The following CHD1 variants were observed in gnomAD, a reference collection of about 807,000 sequenced individuals.
CHD1 encodes the protein chromodomain helicase DNA binding protein 1.
CHD1 carries 36 observed loss-of-function variants against 224.2 expected under a neutral mutation model. The ratio of observed to expected loss-of-function variants is 0.16; its 90% CI spans 0.12 to 0.21. CHD1 has a LOEUF of 0.21. Among genes scored for constraint, CHD1 ranks in the 10% least tolerant of loss-of-function variants. The pLI is 1.00. For synonymous variants in CHD1, 668 were observed against 658.3 expected, an observed-to-expected ratio of 1.01 and a Z score of -0.23; for missense variants, 1,378 against 1,994.8, an observed-to-expected ratio of 0.69 and a Z score of 5.89.
Position 98,859,013 on chromosome 5 carries a change from T to C in CHD1, c.4527A>G (p.Gln1509=). Residue 1509 remains glutamine (Q), a splice_region_variant and synonymous_variant, in exon 34 of 36, where the codon CAA becomes CAG. Transcript: ENST00000614616. ...TCAAGTTGCTGTTTTGATCACTGTTTTGCTAAAATAAATGCACACGTGTTA... is the reference window on the plus strand; with the variant it reads ...TCAAGTTGCTGTTTTGATCACTGTTCTGCTAAAATAAATGCACACGTGTTA... The part of the protein sequence containing the change: ...HAIKKRQESQ[Q]NSDQNSNLNP... 6.3e-7 allele frequency: 1 copy of C among 1,579,962 alleles called. No homozygotes were observed. Among genetic ancestry groups the C allele is most frequent in the Non-Finnish European group, 8.6e-7 (1 of 1,168,720 alleles).
At chr5:98,916,545 CAAA>C (rs33988135) in intron 2 of CHD1, among the ~76,000 whole-genome samples, 36 of 40,420 alleles carry the variant, frequency 8.9e-4, no homozygotes, top group East Asian at 3.7e-3. Flanking sequence ...AACTCCGTCT[CAAA>C]AAAAAAAAAA....
chr5:98,857,706 C>T (rs1748143534), intron 35 of CHD1, among the ~76,000 whole-genome samples: 1 of 151,974 alleles, frequency 6.6e-6, no homozygotes, highest in African/African-American at 2.4e-5. Flanking sequence ...AACAAAAAAC[C>T]TTCCTGGTTC....
At chr5:98,904,207 T>C (rs956116692) in intron 3 of CHD1, among the ~76,000 whole-genome samples, 15 of 152,156 alleles carry the variant, frequency 9.9e-5, no homozygotes, top group African/African-American at 3.6e-4. Context: ...ATTTTATCAG[T>C]GTGAGGTGAA....
chr5:98,928,435 G>A, intron 1 of CHD1, 104 bp downstream of exon 1: 1 of 154,046 alleles, frequency 6.5e-6, no homozygotes. Flanking sequence ...GCCTTCACCC[G>A]GCCGCTGGGC....
rs1748173557 is a variant in CHD1, at chr5:98,858,057, T to C, written c.4787+123A>G. The C allele has an allele frequency of 4.3e-6, 3 of 702,166 alleles. No homozygotes were observed. In the Admixed American group the frequency reaches 7.2e-5, roughly 17 times the overall value. The allele number at this position is 702,166 out of a possible 1,614,324, so 43.5% of individuals were successfully genotyped here. On this transcript the variant is annotated intron_variant, in intron 35 of 35. Transcript: ENST00000614616. ...TTTTCTTAATTATATACAACACCTT[T>C]ATTTCACAAGATTTGTTTTGACTGC...
intron 2 of CHD1, among the ~76,000 whole-genome samples, chr5:98,906,386 T>G (rs1401313147): frequency 6.6e-6 from 1 of 152,208 alleles, no homozygotes; most frequent in Non-Finnish European, 1.5e-5. Context: ...TAAGGCCATA[T>G]TTTACTTGCA....
rs1179965215 is a variant in CHD1, at chr5:98,928,969, G to A, written c.-579C>T. Reference sequence around the variant, plus strand: ...CGCCTCCGCCTCCCGCGCGACGTAAGCGCCTCTGCTCACTCCCCTTCCCGA... The same window carrying A: ...CGCCTCCGCCTCCCGCGCGACGTAAACGCCTCTGCTCACTCCCCTTCCCGA... On this transcript the variant is annotated 5_prime_UTR_variant, in exon 1 of 36. Transcript: ENST00000614616. The A allele has an allele frequency of 6.5e-6, 1 of 153,642 alleles. No individual in the cohort carries two copies. Among genetic ancestry groups the A allele is most frequent in the Non-Finnish European group, 1.5e-5 (1 of 68,766 alleles). 9.5% of individuals were successfully genotyped at this position (153,642 alleles called of 1,614,324 possible).
At chr5:98,913,933 TA>T (rs552119025) in intron 2 of CHD1, among the ~76,000 whole-genome samples, 2 of 151,792 alleles carry the variant, frequency 1.3e-5, no homozygotes, top group African/African-American at 4.8e-5. Context: ...GTTTTTTTTT[TA>T]AAAAATTCCT....
chr5:98,907,455 G>A (rs1281087434), intron 2 of CHD1, among the ~76,000 whole-genome samples: 1 of 152,016 alleles, frequency 6.6e-6, no homozygotes, highest in Non-Finnish European at 1.5e-5. Flanking sequence ...GGGCATGGTG[G>A]CGCATGCCTG....
chr5:98,872,223 AATG>A (rs1561491258), intron 27 of CHD1, 22 bp from the exon 28 acceptor site: 12 of 1,591,872 alleles, frequency 7.5e-6, no homozygotes, highest in African/African-American at 1.4e-5. Flanking sequence ...GTTAATAACT[AATG>A]ATAAGTTTGT....
At chr5:98,862,301 G>A (rs1748540175) in intron 32 of CHD1, among the ~76,000 whole-genome samples, 1 of 152,106 alleles carries the variant, frequency 6.6e-6, no homozygotes, top group South Asian at 2.1e-4. Flanking sequence ...TGAACAATAA[G>A]GAATATGAAA....
chr5:98,900,354 G>A (rs963363135), intron 7 of CHD1, among the ~76,000 whole-genome samples: 3 of 150,730 alleles, frequency 2.0e-5, no homozygotes, highest in Admixed American at 1.3e-4. Context: ...AAGCAAAGTA[G>A]CTTTTATAAA....
At chr5:98,869,555 G>C in intron 30 of CHD1, 199 bp downstream of exon 30, 2 of 587,272 alleles carry the variant, frequency 3.4e-6, no homozygotes, top group Non-Finnish European at 5.8e-6. Context: ...AATATCTACT[G>C]GACAGTTAGA....
chr5:98,866,439 C>T (rs1748873800), intron 31 of CHD1, among the ~76,000 whole-genome samples: 1 of 152,114 alleles, frequency 6.6e-6, no homozygotes, highest in Admixed American at 6.5e-5. Flanking sequence ...TTCATTAAAT[C>T]AACACTGTCT....
Position 98,883,841 on chromosome 5 carries a change from ATATATATATATATATATATATTTT to A in CHD1, c.2569-628_2569-605del, listed in dbSNP as rs1184691560. 2.6e-3 allele frequency: 127 copies of A among 48,586 alleles called. 5 individuals carry two copies. In the South Asian group the frequency reaches 0.092, roughly 35 times the overall value. The allele number at this position is 48,586 out of a possible 1,614,324, so 3.0% of individuals were successfully genotyped here. On this transcript the variant is annotated intron_variant, in intron 18 of 35. Transcript: ENST00000614616. Reference sequence around the variant, plus strand: ...TTGGAGACTAAATATATATATATATATATATATATATATATATATATTTTTTTTTTTTTTTTTTTTTTTTGACAG... The same window carrying A: ...TTGGAGACTAAATATATATATATATATTTTTTTTTTTTTTTTTTTTGACAG...
Position 98,900,931 on chromosome 5 carries a change from C to T in CHD1, c.739G>A (p.Glu247Lys). 1 of 1,614,036 alleles carries T rather than the reference C, an allele frequency of 6.2e-7. No individual in the cohort carries two copies. Among genetic ancestry groups the T allele is most frequent in the Non-Finnish European group, 8.5e-7 (1 of 1,179,994 alleles). The change falls in exon 7 of 36, where the codon GAA becomes AAA. Residue 247 changes from glutamate to lysine, a missense_variant. Around this residue, in one of 16 missense-constraint regions of CHD1, gnomAD observed 306 missense variants for 298.1 expected, o/e 1.03. Coordinates refer to ENST00000614616, the MANE Select transcript of CHD1 (RefSeq NM_001270.4). ...TVNVSYKEDEEMKTDSDDLLE... is the reference protein window; with the variant it reads ...TVNVSYKEDEKMKTDSDDLLE... Reference sequence around the variant, plus strand: ...AGGTCATCAGAATCTGTTTTCATTTCTTCATCCTCCTTATAGCTAACATTA... The same window carrying T: ...AGGTCATCAGAATCTGTTTTCATTTTTTCATCCTCCTTATAGCTAACATTA...
At chr5:98,912,664 C>T (rs559129635) in intron 2 of CHD1, among the ~76,000 whole-genome samples, 3 of 152,088 alleles carry the variant, frequency 2.0e-5, no homozygotes, top group Non-Finnish European at 4.4e-5. Context: ...AGGCAAGACT[C>T]TGTCTCAAAA....
Position 98,876,386 on chromosome 5 carries a change from A to T in CHD1, c.3398+12T>A, listed in dbSNP as rs750315154. On this transcript the variant is annotated intron_variant, in intron 24 of 35. Transcript: ENST00000614616. ...AAAACCAAGTTGAAGCGATTGTCTT[A>T]TAACACCTTACCGCCTAATTTCTGC... 3.7e-6 allele frequency: 6 copies of T among 1,612,958 alleles called. No homozygotes were observed. The highest frequency in any genetic ancestry group is 1.1e-5 in the South Asian group (1 of 91,034).
chr5:98,858,806 A>C (rs867101233), intron 34 of CHD1, 158 bp downstream of exon 34: 20 of 472,630 alleles, frequency 4.2e-5, no homozygotes, highest in African/African-American at 8.1e-5. Context: ...TTTACATAAT[A>C]ATGTAGGTAT....
Sources: allele counts gnomAD v4.1 joint callset (sites outside exome capture counted in the v4.1 genomes callset), GRCh38; gene constraint gnomAD v4.1.1; regional missense constraint gnomAD v4.1.1; transcripts MANE v1.5; gene names NCBI Gene and HGNC (gene_info 2026-07-23, HGNC 2026-07-21).